The following HSD17B12 variants were observed in gnomAD, a reference collection of about 807,000 sequenced individuals.
The protein encoded by HSD17B12 is hydroxysteroid 17-beta dehydrogenase 12.
HSD17B12 carries 32 observed loss-of-function variants against 39.3 expected under a neutral mutation model. That is an observed-to-expected ratio of 0.81 (90% confidence interval 0.61 to 1.09). The LOEUF (loss-of-function observed/expected upper bound fraction) is 1.09, where lower values mean the gene tolerates loss of function less well. Ranked by LOEUF, HSD17B12 falls within the 50% of genes least tolerant of loss-of-function variation. The pLI is 0.00. For missense variants in HSD17B12, 342 were observed against 382.9 expected (o/e 0.89, Z 0.89); for synonymous variants, 150 against 146.7 (o/e 1.02, Z -0.16).
chr11:43,689,738 G>A (rs139978302), intron 1 of HSD17B12, among the ~76,000 whole-genome samples: 6 of 151,808 alleles, frequency 4.0e-5, no homozygotes, highest in African/African-American at 1.2e-4. Flanking sequence ...TATTAGAGAC[G>A]GGGTTTCACC....
chr11:43,568,960 C>T, the HSD17B12 span, among the ~76,000 whole-genome samples: 247 of 152,292 alleles, frequency 1.6e-3, 1 homozygote, highest in African/African-American at 5.7e-3. Context: ...GGTCTCTCAC[C>T]AGTCCACATT....
chr11:43,734,056 GC>G, intron 1 of HSD17B12: 1 of 860,568 alleles, frequency 1.2e-6, no homozygotes, highest in Non-Finnish European at 2.0e-6. Context: ...CCTATCGCTA[GC>G]CAACTTCCTC....
the HSD17B12 span, among the ~76,000 whole-genome samples, chr11:43,606,724 C>A: frequency 9.1e-4 from 138 of 152,278 alleles, 1 homozygote; most frequent in African/African-American, 3.2e-3. Context: ...CCCATTGATT[C>A]TTTAAGCAAA....
At chr11:43,648,708 G>A in the HSD17B12 span, among the ~76,000 whole-genome samples, 48 of 151,834 alleles carry the variant, frequency 3.2e-4, no homozygotes, top group Admixed American at 2.9e-3. Flanking sequence ...ATAAATGTAT[G>A]TGTCTGGATT....
upstream of HSD17B12, among the ~76,000 whole-genome samples, chr11:43,675,875 G>A (rs907516137): frequency 6.6e-6 from 1 of 152,134 alleles, no homozygotes; most frequent in African/African-American, 2.4e-5. Context: ...ACTTTCGGAG[G>A]CCCAGGCAGG....
chr11:43,817,835 T>G (rs1414056992), intron 6 of HSD17B12, among the ~76,000 whole-genome samples: 1 of 152,130 alleles, frequency 6.6e-6, no homozygotes, highest in Non-Finnish European at 1.5e-5. Flanking sequence ...GGACTTTCTT[T>G]TGGTTCCATA....
At chr11:43,753,295 T>TAAAA in intron 2 of HSD17B12, among the ~76,000 whole-genome samples, 1 of 152,210 alleles carries the variant, frequency 6.6e-6, no homozygotes, top group East Asian at 1.9e-4. Context: ...TAAAAATAAT[T>TAAAA]ATGTTTTTAG....
chr11:43,588,651 C>T, the HSD17B12 span, among the ~76,000 whole-genome samples: 13 of 100,700 alleles, frequency 1.3e-4, no homozygotes, highest in Middle Eastern at 4.5e-3. Context: ...GTTCTCTTTC[C>T]TGTCTGACAC....
chr11:43,612,364 T>C, the HSD17B12 span, among the ~76,000 whole-genome samples: 1 of 152,212 alleles, frequency 6.6e-6, no homozygotes, highest in East Asian at 1.9e-4. Flanking sequence ...TTAATACAAT[T>C]GCATTTTCTT....
intron 3 of HSD17B12, among the ~76,000 whole-genome samples, chr11:43,797,837 A>T (rs977957891): frequency 1.3e-5 from 2 of 152,180 alleles, no homozygotes; most frequent in Non-Finnish European, 2.9e-5. Context: ...AAATTATAAG[A>T]TCCCATTCAT....
the HSD17B12 span, among the ~76,000 whole-genome samples, chr11:43,572,075 T>C: frequency 6.6e-6 from 1 of 152,030 alleles, no homozygotes; most frequent in Admixed American, 6.5e-5. Context: ...TTAGGAAAGG[T>C]TTCTTGGAAG....
chr11:43,814,804 G>T (rs1214476266), intron 4 of HSD17B12, among the ~76,000 whole-genome samples: 1 of 152,098 alleles, frequency 6.6e-6, no homozygotes, highest in Non-Finnish European at 1.5e-5. Context: ...ACTCTGTTCT[G>T]TCATGAAATA....
rs1210828746 is a variant in HSD17B12, at chr11:43,716,283, A to G, written c.161-34628A>G. On this transcript the variant is annotated intron_variant, in intron 1 of 10. Coordinates refer to ENST00000278353, the MANE Select transcript of HSD17B12 (RefSeq NM_016142.3). ...AACAAAACAAAAGCAACCACAAACC[A>G]GAACTTATATCTACTCTGTAGGAAT... is the stretch of plus-strand genomic sequence containing the variant. Among the ~76,000 whole-genome samples, 4 of 152,212 alleles carry G rather than the reference A, an allele frequency of 2.6e-5. No individual in the cohort carries two copies. In the South Asian group the frequency reaches 8.3e-4, roughly 32 times the overall value.
chr11:43,823,102 G>A (rs1951198824), intron 6 of HSD17B12, among the ~76,000 whole-genome samples: 2 of 151,978 alleles, frequency 1.3e-5, no homozygotes, highest in Admixed American at 6.6e-5. Flanking sequence ...TTATAATTTA[G>A]TTCTTCCTTC....
chr11:43,604,691 C>A, the HSD17B12 span, among the ~76,000 whole-genome samples: 2 of 152,118 alleles, frequency 1.3e-5, no homozygotes, highest in Admixed American at 6.5e-5. Flanking sequence ...TCCCTTGGAT[C>A]TGGGATGCAT....
intron 3 of HSD17B12, among the ~76,000 whole-genome samples, chr11:43,773,643 C>T (rs924229641): frequency 2.0e-5 from 3 of 152,150 alleles, no homozygotes; most frequent in Non-Finnish European, 2.9e-5. Flanking sequence ...TGCAGCCTCC[C>T]CTACTATAAA....
chr11:43,671,013 T>C, the HSD17B12 span, among the ~76,000 whole-genome samples: 3 of 152,112 alleles, frequency 2.0e-5, no homozygotes, highest in Admixed American at 6.6e-5. Flanking sequence ...CTTGGACCTA[T>C]TGCCAAATTA....
intron 1 of HSD17B12, among the ~76,000 whole-genome samples, chr11:43,725,580 A>G (rs1297692737): frequency 2.0e-5 from 3 of 152,200 alleles, no homozygotes; most frequent in African/African-American, 4.8e-5. Flanking sequence ...TTATTCAACA[A>G]TTTTTATCAA....
intron 1 of HSD17B12, among the ~76,000 whole-genome samples, chr11:43,732,468 A>G (rs1391659807): frequency 6.6e-6 from 1 of 150,450 alleles, no homozygotes; most frequent in African/African-American, 2.4e-5. Context: ...TCAGCGGTGG[A>G]TCTTTTTTTT....
Sources: gnomAD v4.1 joint callset for allele counts (sites outside exome capture counted in the v4.1 genomes callset) on GRCh38, gnomAD v4.1.1 for gene constraint, MANE v1.5 for transcripts, NCBI Gene and HGNC (gene_info 2026-07-23, HGNC 2026-07-21) for gene names.